RBFOX1: variants seen among roughly 807,000 people sequenced by gnomAD.
The protein encoded by RBFOX1 is RNA binding protein fox-1 homolog 1.
A neutral mutation model predicts 57.7 loss-of-function variants in RBFOX1; 8 were observed. The observed-to-expected ratio is 0.14, with a 90% confidence interval of 0.08 to 0.25. The LOEUF is 0.25. Among genes scored for constraint, RBFOX1 ranks in the 10% least tolerant of loss-of-function variants. The pLI is 1.00. For missense variants in RBFOX1, 611 were observed against 548.5 expected, an observed-to-expected ratio of 1.11 and a Z score of -1.14; for synonymous variants, 326 against 222.4, an observed-to-expected ratio of 1.47 and a Z score of -4.15.
At chr16:6,098,087 TGAGAG>T (rs1179308618) in intron 1 of RBFOX1, among the ~76,000 whole-genome samples, 1 of 152,136 alleles carries the variant, frequency 6.6e-6, no homozygotes, top group Non-Finnish European at 1.5e-5. Context: ...TGCATGTACT[TGAGAG>T]GAGAAGGGGT....
At chr16:6,920,392 C>A (rs2074207567) in intron 3 of RBFOX1, among the ~76,000 whole-genome samples, 1 of 152,118 alleles carries the variant, frequency 6.6e-6, no homozygotes, top group Non-Finnish European at 1.5e-5. Flanking sequence ...AACCAGAGTC[C>A]TTTCTACTGT....
intron 4 of RBFOX1, among the ~76,000 whole-genome samples, chr16:5,996,452 A>G (rs1345469749): frequency 6.8e-6 from 1 of 147,712 alleles, no homozygotes; most frequent in Non-Finnish European, 1.5e-5. Flanking sequence ...TGTGAGGGTG[A>G]TTTTTTTTTT....
chr16:6,022,084 C>T (rs572777146), intron 1 of RBFOX1, among the ~76,000 whole-genome samples: 20 of 152,250 alleles, frequency 1.3e-4, no homozygotes, highest in Admixed American at 3.3e-4. Flanking sequence ...AGGAGGATCA[C>T]GGACAAGCTG....
intron 4 of RBFOX1, among the ~76,000 whole-genome samples, chr16:7,097,573 C>A (rs1037627856): frequency 1.3e-5 from 2 of 152,194 alleles, no homozygotes; most frequent in African/African-American, 4.8e-5. Context: ...TCTCCATCTG[C>A]CTCAAATAAT....
At chr16:5,351,079 G>T (rs2065252316) in intron 1 of RBFOX1, among the ~76,000 whole-genome samples, 1 of 152,146 alleles carries the variant, frequency 6.6e-6, no homozygotes, top group Non-Finnish European at 1.5e-5. Context: ...GTGGAAGCAG[G>T]TTGACCCCGG....
chr16:6,790,595 C>G (rs541899227), intron 3 of RBFOX1, among the ~76,000 whole-genome samples: 1 of 152,190 alleles, frequency 6.6e-6, no homozygotes, highest in Non-Finnish European at 1.5e-5. Context: ...ACTGCCTTCT[C>G]CAATTCAGCA....
intron 1 of RBFOX1, among the ~76,000 whole-genome samples, chr16:6,109,231 T>C (rs560349972): frequency 6.6e-6 from 1 of 152,302 alleles, no homozygotes; most frequent in African/African-American, 2.4e-5. Flanking sequence ...AAGCTTATTT[T>C]ACAAAGAAAA....
At chr16:5,642,314 G>A (rs1018276172) in intron 3 of RBFOX1, among the ~76,000 whole-genome samples, 3 of 152,284 alleles carry the variant, frequency 2.0e-5, no homozygotes, top group East Asian at 1.9e-4. Context: ...GCAGCTGTGC[G>A]AATTACCCGA....
chr16:7,000,747 G>C (rs982784595), intron 3 of RBFOX1, among the ~76,000 whole-genome samples: 3 of 151,712 alleles, frequency 2.0e-5, no homozygotes, highest in African/African-American at 7.3e-5. Context: ...TGGGACTACA[G>C]GTGTCCGCCA....
chr16:7,113,150 T>C (rs1466887105), intron 4 of RBFOX1, among the ~76,000 whole-genome samples: 2 of 152,180 alleles, frequency 1.3e-5, no homozygotes, highest in African/African-American at 4.8e-5. Flanking sequence ...TATACGTTTT[T>C]AATTTGTCAA....
intron 3 of RBFOX1, among the ~76,000 whole-genome samples, chr16:6,716,258 G>T (rs919079694): frequency 6.6e-6 from 1 of 152,130 alleles, no homozygotes; most frequent in African/African-American, 2.4e-5. Context: ...CCTTTGCCTG[G>T]ATTACTTACC....
At chr16:6,418,532 T>TTA (rs1567229689) in intron 2 of RBFOX1, among the ~76,000 whole-genome samples, 1 of 146,156 alleles carries the variant, frequency 6.8e-6, no homozygotes, top group Non-Finnish European at 1.5e-5. Flanking sequence ...TTTTTTTTTT[T>TTA]TTTTTTTTTT....
chr16:7,002,533 G>C (rs886389721), intron 3 of RBFOX1, among the ~76,000 whole-genome samples: 4 of 152,114 alleles, frequency 2.6e-5, no homozygotes, highest in African/African-American at 9.7e-5. Context: ...CCAAAATGGT[G>C]AAACCCCGTC....
At chr16:5,308,334 A>AT (rs1270906352) in intron 1 of RBFOX1, among the ~76,000 whole-genome samples, 4 of 33,572 alleles carry the variant, frequency 1.2e-4, no homozygotes, top group Non-Finnish European at 2.1e-4. Flanking sequence ...CTAAAAAAAA[A>AT]AAAAGAACAA....
intron 3 of RBFOX1, among the ~76,000 whole-genome samples, chr16:6,811,858 G>A (rs929219799): frequency 6.6e-6 from 1 of 152,092 alleles, no homozygotes; most frequent in Admixed American, 6.5e-5. Context: ...CATTGCACTC[G>A]AGCCTGGGCA....
intron 4 of RBFOX1, among the ~76,000 whole-genome samples, chr16:7,255,273 C>G (rs927282555): frequency 6.6e-6 from 1 of 152,188 alleles, no homozygotes; most frequent in African/African-American, 2.4e-5. Context: ...TGACCTTAAA[C>G]TCTGTGCTAT....
intron 4 of RBFOX1, among the ~76,000 whole-genome samples, chr16:7,210,420 T>C (rs2078490946): frequency 6.6e-6 from 1 of 152,150 alleles, no homozygotes; most frequent in Non-Finnish European, 1.5e-5. Flanking sequence ...TAAGGCCTTT[T>C]TCCAATTGCA....
At chr16:7,119,818 G>A (rs1181689368) in intron 4 of RBFOX1, among the ~76,000 whole-genome samples, 1 of 152,112 alleles carries the variant, frequency 6.6e-6, no homozygotes, top group East Asian at 1.9e-4. Flanking sequence ...TAACGAGGCT[G>A]TAGAAGTACT....
intron 4 of RBFOX1, among the ~76,000 whole-genome samples, chr16:7,254,069 G>T (rs2094584710): frequency 6.6e-6 from 1 of 152,136 alleles, no homozygotes; most frequent in African/African-American, 2.4e-5. Flanking sequence ...TTTGGGCATT[G>T]TGTTGTTGTG....
Sources: gnomAD v4.1 joint callset for allele counts (sites outside exome capture counted in the v4.1 genomes callset) on GRCh38, gnomAD v4.1.1 for gene constraint, MANE v1.5 for transcripts, NCBI Gene and HGNC (gene_info 2026-07-23, HGNC 2026-07-21) for gene names.